The following ELOVL2 variants were observed in gnomAD, a reference collection of about 807,000 sequenced individuals.
The protein encoded by ELOVL2 is very long chain fatty acid elongase 2.
In ELOVL2, 38 loss-of-function variants were observed where a neutral mutation model predicts 37.7. The observed-to-expected ratio is 1.01, with a 90% CI of 0.78 to 1.32. The LOEUF is 1.32. ELOVL2 is among the 40% of genes most tolerant of loss of function. The pLI is 0.00. For missense variants in ELOVL2, 352 were observed against 363.6 expected (o/e 0.97, Z 0.26); for synonymous variants, 115 against 122.3 (o/e 0.94, Z 0.40).
intron 1 of ELOVL2, among the ~76,000 whole-genome samples, chr6:11,013,143 G>A (rs1782611893): frequency 6.6e-6 from 1 of 152,118 alleles, no homozygotes; most frequent in African/African-American, 2.4e-5. Context: ...TTATGGCCAG[G>A]GTCTCTAGTG....
intron 5 of ELOVL2, among the ~76,000 whole-genome samples, chr6:10,992,790 A>AC (rs1298721243): frequency 3.2e-5 from 4 of 123,734 alleles, no homozygotes; most frequent in African/African-American, 1.1e-4. Flanking sequence ...CCATCTCAAA[A>AC]AAAACAAAAC....
rs570551005 is a variant in ELOVL2 at position 10,982,463 on chromosome 6, T to C, written c.*1318A>G. 3.5e-4 allele frequency: 53 copies of C among 152,340 alleles called. No homozygotes were observed. Among genetic ancestry groups the C allele is most frequent in the Non-Finnish European group, 5.1e-4 (35 of 68,030 alleles). The allele number at this position is 152,340 out of a possible 1,614,324, so 9.4% of individuals were successfully genotyped here. A position where few individuals can be genotyped will look rare whatever the true frequency, so the allele number is the denominator to read the frequency against. The stretch of plus-strand genomic sequence containing the variant: ...ACTTCATCGAAGCTAACAAGTTTTA[T>C]TTTATAGGGTATAAATTAATCTTCA... On this transcript the variant is annotated 3_prime_UTR_variant, in exon 8 of 8. Transcript: ENST00000354666.
At chr6:11,043,182 G>C (rs969447513) in intron 1 of ELOVL2, among the ~76,000 whole-genome samples, 9 of 152,136 alleles carry the variant, frequency 5.9e-5, no homozygotes, top group African/African-American at 2.2e-4. Context: ...GTGGGGAAGA[G>C]AAAGGAAGTG....
rs984731355 is a variant in ELOVL2, at chr6:10,983,517, G to A, written c.*264C>T. The stretch of plus-strand genomic sequence containing the variant: ...AGGCGTTATAAGGACAGCTTCTGGC[G>A]AAAGGTTCAGTCTGTGGGAGGGAGG... On this transcript the variant is annotated 3_prime_UTR_variant, in exon 8 of 8. Transcript: ENST00000354666. 2.1e-5 allele frequency: 6 copies of A among 284,662 alleles called. No homozygotes were observed. Among genetic ancestry groups the A allele is most frequent in the African/African-American group, 8.8e-5 (4 of 45,650 alleles). The allele number at this position is 284,662 out of a possible 1,614,324, so 17.6% of individuals were successfully genotyped here. A position where few individuals can be genotyped will look rare whatever the true frequency, so the allele number is the denominator to read the frequency against.
At chr6:11,010,722 T>G in intron 2 of ELOVL2, 24 bp downstream of exon 2, 1 of 1,591,798 alleles carries the variant, frequency 6.3e-7, no homozygotes, top group Non-Finnish European at 8.6e-7. Context: ...CCTTCCACAT[T>G]AAGTTCTCAA....
chr6:11,033,651 A>C (rs1422531981), intron 1 of ELOVL2, among the ~76,000 whole-genome samples: 1 of 152,218 alleles, frequency 6.6e-6, no homozygotes, highest in Admixed American at 6.5e-5. Context: ...GTTGTTTTGA[A>C]ACAAGCATAT....
chr6:10,991,723 A>C (rs1235352072), intron 5 of ELOVL2, among the ~76,000 whole-genome samples: 1 of 152,184 alleles, frequency 6.6e-6, no homozygotes, highest in African/African-American at 2.4e-5. Flanking sequence ...TTTATATGAA[A>C]ACACAAACAG....
intron 1 of ELOVL2, among the ~76,000 whole-genome samples, chr6:11,042,892 G>A (rs552747048): frequency 1.3e-4 from 20 of 152,248 alleles, no homozygotes; most frequent in African/African-American, 4.8e-4. Context: ...CACTGCTGTA[G>A]GTACTAGAAA....
intron 4 of ELOVL2, among the ~76,000 whole-genome samples, chr6:10,998,478 C>T (rs1782313652): frequency 6.6e-6 from 1 of 152,098 alleles, no homozygotes; most frequent in Admixed American, 6.6e-5. Context: ...CTCTAACAAC[C>T]TTCAAAAGGT....
At chr6:11,025,720 T>C (rs1349175367) in intron 1 of ELOVL2, among the ~76,000 whole-genome samples, 6 of 151,972 alleles carry the variant, frequency 3.9e-5, no homozygotes, top group Admixed American at 6.5e-5. Context: ...CCTTGTCTAT[T>C]AGATACTACT....
At chr6:11,032,931 G>A (rs3778166) in intron 1 of ELOVL2, among the ~76,000 whole-genome samples, 27,901 of 152,132 alleles carry the variant, frequency 0.18, 3,433 homozygotes, top group East Asian at 0.44. Flanking sequence ...AGTTCCTCTG[G>A]AGTTGATCAC....
chr6:11,017,037 T>C (rs1192225467), intron 1 of ELOVL2, among the ~76,000 whole-genome samples: 1 of 152,306 alleles, frequency 6.6e-6, no homozygotes, highest in East Asian at 1.9e-4. Flanking sequence ...CAATCTTTTA[T>C]GTATGGGAAC....
chr6:11,006,450 TAAAG>T (rs1466787720), intron 2 of ELOVL2, among the ~76,000 whole-genome samples: 3 of 152,218 alleles, frequency 2.0e-5, no homozygotes, highest in African/African-American at 4.8e-5. Flanking sequence ...TTTGTTTAAA[TAAAG>T]AAAATGATTT....
chr6:10,995,538 C>A (rs1202853619), intron 4 of ELOVL2, among the ~76,000 whole-genome samples: 1 of 152,232 alleles, frequency 6.6e-6, no homozygotes, highest in Non-Finnish European at 1.5e-5. Flanking sequence ...TGTGCTGGAA[C>A]AGTGGCCTGC....
At chr6:11,043,575 G>A (rs960468095) in intron 1 of ELOVL2, 10 of 152,820 alleles carry the variant, frequency 6.5e-5, no homozygotes, top group African/African-American at 2.4e-4. Context: ...TTGTCGGAAA[G>A]AACACACCAG....
chr6:11,001,758 C>G (rs1158654132), intron 3 of ELOVL2, among the ~76,000 whole-genome samples: 1 of 152,204 alleles, frequency 6.6e-6, no homozygotes, highest in Non-Finnish European at 1.5e-5. Flanking sequence ...TAGAGAGGCT[C>G]TGTCTCTCCC....
intron 1 of ELOVL2, among the ~76,000 whole-genome samples, chr6:11,016,865 C>T (rs965428289): frequency 5.3e-5 from 8 of 152,208 alleles, no homozygotes; most frequent in African/African-American, 1.4e-4. Context: ...ATTTGGCTGT[C>T]GTGCAGCTGA....
intron 2 of ELOVL2, among the ~76,000 whole-genome samples, chr6:11,010,012 A>G (rs1782545327): frequency 1.3e-5 from 2 of 149,774 alleles, no homozygotes; most frequent in South Asian, 2.1e-4. Flanking sequence ...GGGCAGAGAA[A>G]GCGCACACAT....
intron 7 of ELOVL2, among the ~76,000 whole-genome samples, chr6:10,986,947 T>C (rs1293934589): frequency 6.6e-6 from 1 of 152,232 alleles, no homozygotes; most frequent in Non-Finnish European, 1.5e-5. Context: ...CTTGTACCTC[T>C]GGTAGAATTC....
Sources: gnomAD v4.1 joint callset for allele counts (sites outside exome capture counted in the v4.1 genomes callset) on GRCh38, gnomAD v4.1.1 for gene constraint, MANE v1.5 for transcripts, NCBI Gene and HGNC (gene_info 2026-07-23, HGNC 2026-07-21) for gene names.